RPRD1A: variants seen among roughly 807,000 people sequenced by gnomAD.
RPRD1A encodes the protein regulation of nuclear pre-mRNA domain-containing protein 1A.
Under a neutral mutation model 37.8 loss-of-function variants are expected in RPRD1A, and 9 were observed. The ratio of observed to expected loss-of-function variants is 0.24; its 90% confidence interval spans 0.14 to 0.42. The LOEUF is 0.42. Among genes scored for constraint, RPRD1A ranks in the 10% least tolerant of loss-of-function variants. The pLI is 1.00. For synonymous variants in RPRD1A, 138 were observed against 139.7 expected (o/e 0.99, Z 0.08); for missense variants, 255 against 371.0 (o/e 0.69, Z 2.57).
intron 6 of RPRD1A, among the ~76,000 whole-genome samples, chr18:36,018,461 G>A (rs1005197019): frequency 6.6e-5 from 10 of 152,016 alleles, no homozygotes; most frequent in African/African-American, 2.4e-4. Flanking sequence ...TTTTAGTAGA[G>A]ACGGGGTTTC....
chr18:36,052,366 G>A (rs546003072), intron 1 of RPRD1A, among the ~76,000 whole-genome samples: 4 of 150,998 alleles, frequency 2.6e-5, no homozygotes, highest in African/African-American at 7.3e-5. Context: ...AAGAAATAAC[G>A]AACATCAATA....
Position 35,993,277 on chromosome 18 carries a change from T to C in RPRD1A, c.813A>G (p.Arg271=). 1.2e-6 allele frequency: 2 copies of C among 1,614,194 alleles called. No homozygotes were observed. The highest frequency in any genetic ancestry group is 2.7e-5 in the African/African-American group (2 of 75,072). ...TGAGTTCTTTGCGCACCAGGGAAAC[T>C]CTGGCTAGCTTGCGCTTGTACTCCT... ...KLEEYKRKLA[R]VSLVRKELRS... is the part of the protein sequence containing the mutation. The change falls in exon 7 of 7, where the codon AGA becomes AGG. Residue 271 remains arginine (R), a synonymous_variant. Coordinates refer to ENST00000399022, the MANE Select transcript of RPRD1A (RefSeq NM_018170.5).
At chr18:36,018,599 T>C (rs1039349955) in intron 6 of RPRD1A, among the ~76,000 whole-genome samples, 2 of 152,142 alleles carry the variant, frequency 1.3e-5, no homozygotes, top group Non-Finnish European at 2.9e-5. Flanking sequence ...ATGGCATTCA[T>C]TTACTTAACA....
At chr18:36,062,345 A>AAAAC in intron 1 of RPRD1A, among the ~76,000 whole-genome samples, 1 of 151,216 alleles carries the variant, frequency 6.6e-6, no homozygotes, top group African/African-American at 2.4e-5. Flanking sequence ...AAAAAAAAAA[A>AAAAC]AAACATGTAC....
intron 6 of RPRD1A, among the ~76,000 whole-genome samples, chr18:35,993,893 C>A (rs1629921): frequency 0.99 from 151,153 of 152,306 alleles, 75,012 homozygotes; most frequent in East Asian, 1. Context: ...AGCCTGGGGA[C>A]TCCCTCCTGT....
Position 36,067,474 on chromosome 18 carries a change from T to G in RPRD1A, c.-70A>C, listed in dbSNP as rs1054913255. 5.4e-6 allele frequency: 8 copies of G among 1,486,058 alleles called. No homozygotes were observed. In the Admixed American group the frequency reaches 6.1e-5, roughly 11 times the overall value. 92.1% of individuals were successfully genotyped at this position (1,486,058 alleles called of 1,614,324 possible). A position where few individuals can be genotyped will look rare whatever the true frequency, so the allele number is the denominator to read the frequency against. ...GGGAGGAGAGTTTCGCCGCCCTAGC[T>G]GCGGCCTCGCCCCCTCACCCCACCC... On this transcript the variant is annotated 5_prime_UTR_variant, in exon 1 of 7. Transcript: ENST00000399022.
intron 1 of RPRD1A, among the ~76,000 whole-genome samples, chr18:36,037,392 C>T (rs529091900): frequency 2.8e-4 from 43 of 152,268 alleles, no homozygotes; most frequent in African/African-American, 8.9e-4. Flanking sequence ...TTCTTCCTGC[C>T]ACCATGTGAA....
At chr18:36,044,021 A>G (rs1912783721) in intron 1 of RPRD1A, among the ~76,000 whole-genome samples, 1 of 152,214 alleles carries the variant, frequency 6.6e-6, no homozygotes, top group African/African-American at 2.4e-5. Flanking sequence ...TTCTGACACT[A>G]AAGTAAGCTA....
intron 1 of RPRD1A, among the ~76,000 whole-genome samples, chr18:36,067,051 T>A (rs2089044993): frequency 6.6e-6 from 1 of 152,236 alleles, no homozygotes; most frequent in Non-Finnish European, 1.5e-5. Context: ...TTTTCTTTTT[T>A]AATTATTCAT....
intron 4 of RPRD1A, among the ~76,000 whole-genome samples, chr18:36,028,601 A>T (rs929549027): frequency 2.6e-5 from 4 of 152,224 alleles, no homozygotes; most frequent in African/African-American, 9.6e-5. Context: ...GTCCTACATG[A>T]GTACATTCTA....
intron 1 of RPRD1A, among the ~76,000 whole-genome samples, chr18:36,060,682 A>AC (rs140055209): frequency 0.061 from 9,332 of 152,120 alleles, 305 homozygotes; most frequent in Non-Finnish European, 0.082. Flanking sequence ...CCAATATGTA[A>AC]CCCCCCAACC....
rs1217724540 is a variant in RPRD1A, at chr18:36,038,494, C to A, written c.152-4657G>T. Among the ~76,000 whole-genome samples the A allele has an allele frequency of 2.6e-5, 4 of 152,244 alleles. No homozygotes were observed. The South Asian group carries it at 6.2e-4, about 24-fold the overall frequency. On this transcript the variant is annotated intron_variant, in intron 1 of 6. Coordinates refer to ENST00000399022, the MANE Select transcript of RPRD1A (RefSeq NM_018170.5). ...AGATTTCAGAGGATATATGGAAACA[C>A]CTGGATGTCCAGGCAAAAGTCTGTT...
At chr18:36,049,890 C>T (rs1402613603) in intron 1 of RPRD1A, among the ~76,000 whole-genome samples, 8 of 152,118 alleles carry the variant, frequency 5.3e-5, no homozygotes, top group Non-Finnish European at 2.9e-5. Flanking sequence ...TAGAAACTGC[C>T]ATACAGTTTT....
intron 1 of RPRD1A, among the ~76,000 whole-genome samples, chr18:36,036,994 A>G (rs1400555207): frequency 6.6e-6 from 1 of 152,210 alleles, no homozygotes; most frequent in Non-Finnish European, 1.5e-5. Flanking sequence ...TTATTATTTT[A>G]ATGTTTGCCA....
In RPRD1A at chr18:35,991,389, A is replaced by G. The variant is rs1908709063; in HGVS notation, c.*1762T>C. The G allele has an allele frequency of 6.6e-6, 1 of 152,186 alleles. No homozygotes were observed. Among genetic ancestry groups the G allele is most frequent in the African/African-American group, 2.4e-5 (1 of 41,424 alleles). 9.4% of individuals were successfully genotyped at this position (152,186 alleles called of 1,614,324 possible). On this transcript the variant is annotated 3_prime_UTR_variant, in exon 7 of 7. Transcript: ENST00000399022. The stretch of plus-strand genomic sequence containing the variant: ...TTCCATTTCCTACACCTAGGGACAG[A>G]GGTACACAGACATCCCAGGGTGTGA...
At chr18:36,004,614 G>T (rs1909625672) in intron 6 of RPRD1A, among the ~76,000 whole-genome samples, 1 of 151,958 alleles carries the variant, frequency 6.6e-6, no homozygotes, top group African/African-American at 2.4e-5. Flanking sequence ...CTTTCAATAG[G>T]TCCAACAAGT....
intron 6 of RPRD1A, among the ~76,000 whole-genome samples, chr18:36,006,431 T>A (rs1909753501): frequency 6.6e-6 from 1 of 152,172 alleles, no homozygotes. Context: ...ATCCTCCCAC[T>A]TCAGCCTCCC....
At chr18:36,055,628 C>T (rs972003839) in intron 1 of RPRD1A, among the ~76,000 whole-genome samples, 1 of 151,882 alleles carries the variant, frequency 6.6e-6, no homozygotes, top group Non-Finnish European at 1.5e-5. Context: ...TTTCAGATAC[C>T]GTAACAAATT....
intron 1 of RPRD1A, among the ~76,000 whole-genome samples, chr18:36,066,250 T>A (rs570488736): frequency 6.6e-6 from 1 of 152,242 alleles, no homozygotes; most frequent in African/African-American, 2.4e-5. Context: ...GTCTCCATTA[T>A]ATACAGCCAA....
Sources: gnomAD v4.1 joint callset for allele counts (sites outside exome capture counted in the v4.1 genomes callset) on GRCh38, gnomAD v4.1.1 for gene constraint, MANE v1.5 for transcripts, NCBI Gene and HGNC (gene_info 2026-07-23, HGNC 2026-07-21) for gene names.